The following ADAMTSL1 variants were observed in gnomAD, a reference collection of about 807,000 sequenced individuals.
ADAMTSL1 encodes ADAMTS-like protein 1.
ADAMTSL1 carries 126 observed loss-of-function variants against 201.8 expected under a neutral mutation model. The ratio of observed to expected loss-of-function variants is 0.62; its 90% CI spans 0.54 to 0.72. The LOEUF (loss-of-function observed/expected upper bound fraction) is 0.72. Ranked by LOEUF, ADAMTSL1 falls within the 30% of genes least tolerant of loss-of-function variation. ADAMTSL1 has a pLI of 0.00. For synonymous variants in ADAMTSL1, 1,121 were observed against 903.4 expected, an observed-to-expected ratio of 1.24 and a Z score of -4.32; for missense variants, 2,679 against 2,277.8, an observed-to-expected ratio of 1.18 and a Z score of -3.59.
chr9:18,624,606 TA>T (rs1316701544), intron 5 of ADAMTSL1, among the ~76,000 whole-genome samples: 1 of 152,186 alleles, frequency 6.6e-6, no homozygotes, highest in Non-Finnish European at 1.5e-5. Flanking sequence ...GGTGCTTCTT[TA>T]TTCTCATGCC....
rs760676297 is a variant in ADAMTSL1, at chr9:18,016,930, G to T, written c.87+110008G>T. Among the ~76,000 whole-genome samples, 10 of 151,978 alleles carry T rather than the reference G, an allele frequency of 6.6e-5. No individual in the cohort carries two copies. The East Asian group carries it at 1.4e-3, about 21-fold the overall frequency. ...CTGTGAATTAAATATGAAAAAACTG[G>T]GGGAGATAACACCATACACTTTCAT... On this transcript the variant is annotated intron_variant, in intron 1 of 29. Transcript: ENST00000680146.
intron 12 of ADAMTSL1, among the ~76,000 whole-genome samples, chr9:18,684,028 C>T (rs1006706610): frequency 7.2e-5 from 11 of 152,126 alleles, no homozygotes; most frequent in African/African-American, 1.7e-4. Context: ...CTGTAAGAGC[C>T]GTTAGAACAT....
intron 4 of ADAMTSL1, among the ~76,000 whole-genome samples, chr9:18,599,719 C>T (rs1824500452): frequency 6.6e-6 from 1 of 151,770 alleles, no homozygotes; most frequent in Admixed American, 6.6e-5. Flanking sequence ...AACTTCTGTT[C>T]TGCACCCATC....
At chr9:18,899,711 T>C (rs986253604) in intron 26 of ADAMTSL1, among the ~76,000 whole-genome samples, 1 of 152,200 alleles carries the variant, frequency 6.6e-6, no homozygotes, top group Admixed American at 6.5e-5. Flanking sequence ...ACTTAATAGA[T>C]GGTGCTTGGA....
chr9:18,568,292 A>G (rs1042938982), intron 3 of ADAMTSL1, among the ~76,000 whole-genome samples: 3 of 152,222 alleles, frequency 2.0e-5, no homozygotes, highest in Non-Finnish European at 4.4e-5. Flanking sequence ...AATAAAAGAT[A>G]CAGAAAGCCA....
intron 2 of ADAMTSL1, among the ~76,000 whole-genome samples, chr9:18,281,819 C>G (rs1276601691): frequency 6.6e-6 from 1 of 152,202 alleles, no homozygotes; most frequent in Non-Finnish European, 1.5e-5. Flanking sequence ...ATCCTCCTAC[C>G]TCAGCCTCTA....
At chr9:18,895,342 CA>C (rs1482682753) in intron 26 of ADAMTSL1, among the ~76,000 whole-genome samples, 7 of 152,324 alleles carry the variant, frequency 4.6e-5, no homozygotes, top group Non-Finnish European at 8.8e-5. Flanking sequence ...CCAAGTTCTA[CA>C]GCAACCAAGC....
At chr9:18,513,740 A>G (rs931143585) in intron 2 of ADAMTSL1, among the ~76,000 whole-genome samples, 3 of 152,128 alleles carry the variant, frequency 2.0e-5, no homozygotes, top group African/African-American at 7.2e-5. Context: ...ACCTTTCCCC[A>G]TTGTGTATTC....
At chr9:18,711,151 T>C (rs1832562616) in intron 14 of ADAMTSL1, among the ~76,000 whole-genome samples, 1 of 152,230 alleles carries the variant, frequency 6.6e-6, no homozygotes, top group Admixed American at 6.5e-5. Flanking sequence ...ATACATTTCT[T>C]GTTGTAGGCA....
At chr9:18,624,316 T>C (rs1826225772) in intron 5 of ADAMTSL1, among the ~76,000 whole-genome samples, 1 of 152,166 alleles carries the variant, frequency 6.6e-6, no homozygotes, top group Admixed American at 6.5e-5. Flanking sequence ...AGATGAAAAA[T>C]TTCTAAAGTT....
chr9:18,578,785 A>G (rs892619405), intron 4 of ADAMTSL1, among the ~76,000 whole-genome samples: 271 of 151,446 alleles, frequency 1.8e-3, no homozygotes, highest in Non-Finnish European at 2.8e-3. Context: ...CTAGTTCTAG[A>G]TCCCTGAGGA....
intron 15 of ADAMTSL1, among the ~76,000 whole-genome samples, chr9:18,751,131 T>C (rs192238095): frequency 2.9e-4 from 44 of 152,356 alleles, no homozygotes; most frequent in Middle Eastern, 3.4e-3. Context: ...AAAGAATGTA[T>C]GGATGTATCT....
intron 1 of ADAMTSL1, among the ~76,000 whole-genome samples, chr9:17,946,269 G>A (rs1293219584): frequency 6.6e-6 from 1 of 151,832 alleles, no homozygotes; most frequent in East Asian, 1.9e-4. Flanking sequence ...AAAGTATTTG[G>A]ATTACAGGCT....
intron 2 of ADAMTSL1, among the ~76,000 whole-genome samples, chr9:18,366,043 A>G (rs1415715924): frequency 1.3e-5 from 2 of 152,200 alleles, no homozygotes; most frequent in African/African-American, 4.8e-5. Context: ...GGTGACAAAA[A>G]GGTTGGGGAC....
chr9:18,711,571 T>C (rs565663119), intron 14 of ADAMTSL1, among the ~76,000 whole-genome samples: 2 of 152,314 alleles, frequency 1.3e-5, no homozygotes, highest in African/African-American at 2.4e-5. Flanking sequence ...GGAGATTATA[T>C]CCCGCACCTG....
intron 3 of ADAMTSL1, among the ~76,000 whole-genome samples, chr9:18,544,370 A>C (rs1485801388): frequency 6.6e-5 from 10 of 152,208 alleles, no homozygotes; most frequent in Admixed American, 6.5e-4. Flanking sequence ...TCTTGTTCAT[A>C]ACTCAAGGTG....
At chr9:18,608,740 G>A (rs1437501321) in intron 4 of ADAMTSL1, among the ~76,000 whole-genome samples, 1 of 152,046 alleles carries the variant, frequency 6.6e-6, no homozygotes, top group African/African-American at 2.4e-5. Context: ...GGAAATTTGG[G>A]GATCATTAAA....
intron 2 of ADAMTSL1, among the ~76,000 whole-genome samples, chr9:18,432,759 C>T (rs1819553899): frequency 6.6e-6 from 1 of 152,126 alleles, no homozygotes; most frequent in Non-Finnish European, 1.5e-5. Context: ...TTATAAGGAT[C>T]AAGTGTGACA....
At chr9:18,670,316 G>A (rs1446926737) in intron 9 of ADAMTSL1, among the ~76,000 whole-genome samples, 1 of 152,220 alleles carries the variant, frequency 6.6e-6, no homozygotes, top group Non-Finnish European at 1.5e-5. Context: ...AGAGAGAAGA[G>A]AAGATCTTGT....
Sources: gnomAD v4.1 joint callset for allele counts (sites outside exome capture counted in the v4.1 genomes callset) on GRCh38, gnomAD v4.1.1 for gene constraint, MANE v1.5 for transcripts, NCBI Gene and HGNC (gene_info 2026-07-23, HGNC 2026-07-21) for gene names.